The following DNAJC11 variants were observed in gnomAD, a reference collection of about 807,000 sequenced individuals.
DNAJC11 encodes dnaJ homolog subfamily C member 11.
Under a neutral mutation model 78.6 loss-of-function variants are expected in DNAJC11, and 15 were observed. The ratio of observed to expected loss-of-function variants is 0.19; its 90% CI spans 0.13 to 0.29. The LOEUF (loss-of-function observed/expected upper bound fraction) is 0.29. Ranked by LOEUF, DNAJC11 falls within the 10% of genes least tolerant of loss-of-function variation. DNAJC11 has a pLI of 1.00. For synonymous variants in DNAJC11, 292 were observed against 272.1 expected (o/e 1.07, Z -0.72); for missense variants, 547 against 709.6 (o/e 0.77, Z 2.60).
intron 10 of DNAJC11, among the ~76,000 whole-genome samples, chr1:6,642,799 ATGC>A (rs1641897415): frequency 6.6e-6 from 1 of 152,148 alleles, no homozygotes; most frequent in Non-Finnish European, 1.5e-5. Context: ...GACATCTGAG[ATGC>A]TGTTAGGTAT....
intron 1 of DNAJC11, among the ~76,000 whole-genome samples, chr1:6,681,915 C>T (rs1642559937): frequency 1.3e-5 from 2 of 152,076 alleles, no homozygotes; most frequent in Admixed American, 1.3e-4. Context: ...GGCAGTTCTA[C>T]CCTTTGGTAT....
rs566147337 is a variant in DNAJC11, at chr1:6,662,850, G to A, written c.378+4859C>T. ...ACCCCAGCCAGCAACAACCTGCTCGGGTCCCCTTCCACACTGTGGAAGCTT... is the reference window on the plus strand; with the variant it reads ...ACCCCAGCCAGCAACAACCTGCTCGAGTCCCCTTCCACACTGTGGAAGCTT... On this transcript the variant is annotated intron_variant, in intron 4 of 15. Coordinates refer to ENST00000377577, the MANE Select transcript of DNAJC11 (RefSeq NM_018198.4). 1.3e-4 allele frequency among the ~76,000 whole-genome samples: 20 copies of A among 152,012 alleles called. 1 individual carries two copies. The South Asian group carries it at 4.2e-3, about 32-fold the overall frequency.
In DNAJC11 at chr1:6,636,245, G is replaced by A. The variant is rs1476122777; in HGVS notation, c.1526C>T (p.Ala509Val). 6.2e-7 allele frequency: 1 copy of A among 1,613,824 alleles called. No individual in the cohort carries two copies. Among genetic ancestry groups the A allele is most frequent in the South Asian group, 1.1e-5 (1 of 91,082 alleles). Residue 509 changes from alanine (A) to valine (V), a missense_variant and splice_region_variant, in exon 15 of 16, where the codon GCT (alanine) becomes GTT (valine). Coordinates refer to ENST00000377577, the MANE Select transcript of DNAJC11 (RefSeq NM_018198.4). ...SKLILTEASK[A>V]GLPGFYDPCV... ...CGGGTCATAAAAGCCAGGCAGCCCA[G>A]CCTGTAACAAACAAATTGCTACTCT...
intron 1 of DNAJC11, among the ~76,000 whole-genome samples, chr1:6,691,798 C>T (rs893838832): frequency 2.0e-5 from 3 of 152,236 alleles, no homozygotes; most frequent in African/African-American, 7.2e-5. Flanking sequence ...GCTGCAAGCT[C>T]CTTCCAGGGA....
At chr1:6,648,716 A>G (rs918375174) in intron 7 of DNAJC11, among the ~76,000 whole-genome samples, 12 of 152,034 alleles carry the variant, frequency 7.9e-5, no homozygotes, top group Non-Finnish European at 4.4e-5. Flanking sequence ...CTGGCCTCCT[A>G]AAGTGCTGGG....
intron 1 of DNAJC11, among the ~76,000 whole-genome samples, chr1:6,683,706 G>A (rs1187504533): frequency 6.6e-6 from 1 of 152,188 alleles, no homozygotes; most frequent in African/African-American, 2.4e-5. Flanking sequence ...AGAGGGCACC[G>A]CCCTGGTGCA....
chr1:6,656,255 C>T (rs1034061746), intron 4 of DNAJC11, among the ~76,000 whole-genome samples: 4 of 151,788 alleles, frequency 2.6e-5, no homozygotes, highest in Admixed American at 2.6e-4. Flanking sequence ...TCCATAACGG[C>T]ATTTTGGAGT....
chr1:6,659,607 A>C (rs2148736724), intron 4 of DNAJC11, among the ~76,000 whole-genome samples: 1 of 152,242 alleles, frequency 6.6e-6, no homozygotes, highest in Admixed American at 6.5e-5. Flanking sequence ...TAAAAACACA[A>C]AAACATGAGC....
chr1:6,677,479 TAG>T (rs147385240), intron 3 of DNAJC11, among the ~76,000 whole-genome samples: 3,353 of 152,158 alleles, frequency 0.022, 69 homozygotes, highest in Non-Finnish European at 0.032. Flanking sequence ...AAATGTTTTG[TAG>T]AGACAGGGTC....
chr1:6,644,692 G>T lies in DNAJC11; in HGVS notation c.981-18C>A. 6.2e-7 allele frequency: 1 copy of T among 1,602,292 alleles called. No homozygotes were observed. Among genetic ancestry groups the T allele is most frequent in the Non-Finnish European group, 8.6e-7 (1 of 1,169,280 alleles). On this transcript the variant is annotated intron_variant, in intron 9 of 15. Transcript: ENST00000377577. ...AGCCTGCTCTGCAGGGAGAGAACGC[G>T]GTCTGTGCCTGTGCCCCTCATTCAT...
intron 3 of DNAJC11, among the ~76,000 whole-genome samples, chr1:6,677,806 G>C (rs1642493742): frequency 6.6e-6 from 1 of 152,164 alleles, no homozygotes; most frequent in Admixed American, 6.5e-5. Context: ...TGGCTGCCCA[G>C]GGCGACACAT....
At chr1:6,668,845 C>A (rs1276798865) in intron 3 of DNAJC11, among the ~76,000 whole-genome samples, 1 of 152,090 alleles carries the variant, frequency 6.6e-6, no homozygotes, top group Non-Finnish European at 1.5e-5. Flanking sequence ...TACCACACAG[C>A]AGACCTCATT....
At chr1:6,637,653 AC>A in intron 12 of DNAJC11, 149 bp from the exon 13 acceptor site, 1 of 830,670 alleles carries the variant, frequency 1.2e-6, no homozygotes, top group Non-Finnish European at 1.9e-6. Flanking sequence ...CAGCTCTGCT[AC>A]CCGAGTGGCT....
At chr1:6,673,576 T>C (rs1557482075) in intron 3 of DNAJC11, among the ~76,000 whole-genome samples, 1 of 152,212 alleles carries the variant, frequency 6.6e-6, no homozygotes, top group Non-Finnish European at 1.5e-5. Context: ...AAATTTCTAG[T>C]ATAGCCTGCA....
chr1:6,683,262 G>C (rs1485518574), intron 1 of DNAJC11, among the ~76,000 whole-genome samples: 1 of 135,910 alleles, frequency 7.4e-6, no homozygotes, highest in Admixed American at 8.2e-5. Context: ...CATTCTGCTA[G>C]TAGAGAATGC....
chr1:6,680,884 T>A lies in DNAJC11; in HGVS notation c.202+24A>T, dbSNP rs1642540528. ...CGAATATCTGTTACCAGGATGTTTCTACAAAGTCCGGCCCTCCACTGACCT... is the reference window on the plus strand; with the variant it reads ...CGAATATCTGTTACCAGGATGTTTCAACAAAGTCCGGCCCTCCACTGACCT... On this transcript the variant is annotated intron_variant, in intron 2 of 15. Transcript: ENST00000377577. The surrounding 1 kb of genome is among the most constrained non-coding windows in gnomAD (Gnocchi z 4.0). 2 of 1,605,916 alleles carry A rather than the reference T, an allele frequency of 1.2e-6. No individual in the cohort carries two copies. Among genetic ancestry groups the A allele is most frequent in the Non-Finnish European group, 8.5e-7 (1 of 1,175,370 alleles).
intron 13 of DNAJC11, 36 bp from the exon 14 acceptor site, chr1:6,637,376 C>T (rs763101433): frequency 6.2e-7 from 1 of 1,614,210 alleles, no homozygotes; most frequent in Admixed American, 1.7e-5. Context: ...AGGCCTCCTC[C>T]AGGCACCTCC....
chr1:6,651,695 C>T (rs540452725), intron 6 of DNAJC11, 93 bp from the exon 7 acceptor site: 4 of 907,566 alleles, frequency 4.4e-6, no homozygotes, highest in Admixed American at 2.1e-5. Context: ...ATAATTCCTT[C>T]ATTCAATTCA....
At chr1:6,662,135 GT>G (rs869204845) in intron 4 of DNAJC11, among the ~76,000 whole-genome samples, 11 of 116,110 alleles carry the variant, frequency 9.5e-5, no homozygotes, top group South Asian at 6.3e-4. Context: ...TTTGTTTTTT[GT>G]TTTTTTTTTT....
Sources: allele counts gnomAD v4.1 joint callset (sites outside exome capture counted in the v4.1 genomes callset), GRCh38; gene constraint gnomAD v4.1.1; non-coding constraint Gnocchi (gnomAD v3.1); transcripts MANE v1.5; gene names NCBI Gene and HGNC (gene_info 2026-07-23, HGNC 2026-07-21).